TFCP2: variants seen among roughly 807,000 people sequenced by gnomAD.
TFCP2 encodes alpha-globin transcription factor CP2.
In TFCP2, 33 loss-of-function variants were observed where a neutral mutation model predicts 73.4. The ratio of observed to expected loss-of-function variants is 0.45; its 90% CI spans 0.34 to 0.60. The LOEUF is 0.60. Among genes scored for constraint, TFCP2 ranks in the 20% least tolerant of loss-of-function variants. TFCP2 has a pLI of 0.01. For missense variants in TFCP2, 352 were observed against 604.0 expected (o/e 0.58, Z 4.37); for synonymous variants, 193 against 211.6 (o/e 0.91, Z 0.76).
At chr12:51,112,534 G>A (rs780599735) in intron 4 of TFCP2, among the ~76,000 whole-genome samples, 8 of 152,150 alleles carry the variant, frequency 5.3e-5, no homozygotes, top group African/African-American at 1.2e-4. Context: ...AAGGTAGAAA[G>A]CATTATATCA....
At chr12:51,103,869 T>C (rs995964230) in intron 9 of TFCP2, 106 bp from the exon 10 acceptor site, 1 of 904,934 alleles carries the variant, frequency 1.1e-6, no homozygotes, top group Non-Finnish European at 1.7e-6. Flanking sequence ...CAGGCCTAGT[T>C]TGTGAAAGTT....
chr12:51,162,074 A>G (rs937728942), intron 1 of TFCP2, among the ~76,000 whole-genome samples: 11 of 152,152 alleles, frequency 7.2e-5, no homozygotes, highest in Non-Finnish European at 1.6e-4. Context: ...TTGAACAGGC[A>G]GAAGAAAGAA....
chr12:51,128,931 G>C (rs1592811942), intron 1 of TFCP2, among the ~76,000 whole-genome samples: 1 of 152,142 alleles, frequency 6.6e-6, no homozygotes, highest in Non-Finnish European at 1.5e-5. Context: ...GGCTGGAACA[G>C]GAGGCTAAAT....
At position 51,098,685 on chromosome 12, in the gene TFCP2, A is replaced by G. The variant is rs902947164; in HGVS notation, c.1419+91T>C. 4.1e-5 allele frequency: 59 copies of G among 1,451,284 alleles called. No individual in the cohort carries two copies. The Admixed American group carries it at 4.7e-4, about 12-fold the overall frequency. 89.9% of individuals were successfully genotyped at this position (1,451,284 alleles called of 1,614,324 possible). A position where few individuals can be genotyped will look rare whatever the true frequency, so the allele number is the denominator to read the frequency against. ...AGTATGAAACCCTCTGATCTAGAAA[A>G]CAGAACACTCTGCCCCAGGAGAACT... On this transcript the variant is annotated intron_variant, in intron 13 of 14. Coordinates refer to ENST00000257915, the MANE Select transcript of TFCP2 (RefSeq NM_005653.5).
intron 1 of TFCP2, among the ~76,000 whole-genome samples, chr12:51,159,559 G>C (rs1307567981): frequency 6.6e-6 from 1 of 151,884 alleles, no homozygotes; most frequent in African/African-American, 2.4e-5. Context: ...GGCTGGTCTC[G>C]AACCCACCTC....
At chr12:51,118,345 G>A (rs543827018) in intron 2 of TFCP2, among the ~76,000 whole-genome samples, 4 of 152,242 alleles carry the variant, frequency 2.6e-5, no homozygotes, top group African/African-American at 9.6e-5. Flanking sequence ...ATGAGGTCAG[G>A]AGATCGAGAC....
chr12:51,114,353 C>G (rs1940468181), intron 4 of TFCP2, among the ~76,000 whole-genome samples: 1 of 152,202 alleles, frequency 6.6e-6, no homozygotes, highest in African/African-American at 2.4e-5. Flanking sequence ...CACCTGTAAT[C>G]CCAGCGCTTT....
In TFCP2 at chr12:51,093,984, C is replaced by G. The variant is rs1320821959; in HGVS notation, c.*1257G>C. 1 of 134,248 alleles carries G rather than the reference C, an allele frequency of 7.4e-6. No individual in the cohort carries two copies. Among genetic ancestry groups the G allele is most frequent in the African/African-American group, 3.3e-5 (1 of 30,358 alleles). The allele number at this position is 134,248 out of a possible 1,614,324, so 8.3% of individuals were successfully genotyped here. ...AAACCCATGATGTTACACTTACACA[C>G]TTACACACACACACACACACACACA... is the stretch of plus-strand genomic sequence containing the variant. On this transcript the variant is annotated 3_prime_UTR_variant, in exon 15 of 15. Transcript: ENST00000257915.
At chr12:51,138,789 C>T (rs1941121856) in intron 1 of TFCP2, among the ~76,000 whole-genome samples, 6 of 152,082 alleles carry the variant, frequency 3.9e-5, no homozygotes. Flanking sequence ...CAGGTGTGCG[C>T]CACCACACCT....
chr12:51,157,499 T>C (rs777205876), intron 1 of TFCP2, among the ~76,000 whole-genome samples: 1 of 151,944 alleles, frequency 6.6e-6, no homozygotes, highest in Non-Finnish European at 1.5e-5. Flanking sequence ...CTCAGTATGT[T>C]GTCCAGGCTG....
rs749852425 is a variant in TFCP2, at chr12:51,102,018, A to G, written c.1068T>C (p.Asp356=). 3 of 1,608,380 alleles carry G rather than the reference A, an allele frequency of 1.9e-6. No individual in the cohort carries two copies. The South Asian group carries it at 3.3e-5, about 18-fold the overall frequency. ...TRLFTNFSGA[D]LLKLTRDDVI... is the part of the protein sequence containing the mutation. ...CATCATCTCTAGTTAATTTCAATAA[A>G]TCTGCCCCTGGAATAAATATAAGAA... Residue 356 remains aspartate (D), a synonymous_variant, in exon 11 of 15, where the codon GAT becomes GAC. Coordinates refer to ENST00000257915, the MANE Select transcript of TFCP2 (RefSeq NM_005653.5).
At chr12:51,170,539 G>A (rs914154709) in intron 1 of TFCP2, among the ~76,000 whole-genome samples, 1 of 151,746 alleles carries the variant, frequency 6.6e-6, no homozygotes, top group Non-Finnish European at 1.5e-5. Context: ...TGGAGAGCGG[G>A]TCTTGAACTC....
At chr12:51,159,747 C>T (rs887482455) in intron 1 of TFCP2, among the ~76,000 whole-genome samples, 5 of 152,146 alleles carry the variant, frequency 3.3e-5, no homozygotes, top group African/African-American at 4.8e-5. Context: ...CTCAGCCTCC[C>T]AAAGTCCTGG....
At chr12:51,143,968 C>G (rs1051282799) in intron 1 of TFCP2, among the ~76,000 whole-genome samples, 2 of 152,124 alleles carry the variant, frequency 1.3e-5, no homozygotes, top group African/African-American at 4.8e-5. Flanking sequence ...CAATTTATCC[C>G]AAATTCATCT....
At position 51,157,681 on chromosome 12, in the gene TFCP2, C is replaced by CTTTTTTTT. The variant is rs770963610; in HGVS notation, c.122+14619_122+14620insAAAAAAAA. On this transcript the variant is annotated intron_variant, in intron 1 of 14. Transcript: ENST00000257915. Reference sequence around the variant, plus strand: ...TTCAGTAATTTGAGTTTTTTCTTTTCTTTTCTTTTTTTTTTTTTTTTTTGA... The same window carrying CTTTTTTTT: ...TTCAGTAATTTGAGTTTTTTCTTTTCTTTTTTTTTTTTCTTTTTTTTTTTTTTTTTTGA... Among the ~76,000 whole-genome samples, 334 of 77,280 alleles carry CTTTTTTTT rather than the reference C, an allele frequency of 4.3e-3. 26 individuals carry two copies. The highest frequency in any genetic ancestry group is 5.8e-3 in the Non-Finnish European group (238 of 40,718). 50.7% of individuals were successfully genotyped at this position (77,280 alleles called of 152,430 possible).
intron 1 of TFCP2, among the ~76,000 whole-genome samples, chr12:51,133,219 T>C (rs979710210): frequency 5.9e-5 from 9 of 151,952 alleles, no homozygotes; most frequent in Admixed American, 3.3e-4. Context: ...CAGATTACAA[T>C]ATAACTCATC....
chr12:51,164,212 C>T (rs1412081761), intron 1 of TFCP2, among the ~76,000 whole-genome samples: 2 of 151,550 alleles, frequency 1.3e-5, no homozygotes, highest in East Asian at 1.9e-4. Context: ...TTCTCAAAAA[C>T]AAACAAACAA....
intron 11 of TFCP2, among the ~76,000 whole-genome samples, chr12:51,101,275 A>G (rs1378648520): frequency 1.3e-5 from 2 of 152,230 alleles, no homozygotes; most frequent in Admixed American, 1.3e-4. Context: ...ACTGTACTCC[A>G]GTCTGGGCGA....
chr12:51,116,493 G>C, intron 3 of TFCP2, 73 bp from the exon 4 acceptor site: 1 of 736,558 alleles, frequency 1.4e-6, no homozygotes, highest in South Asian at 2.6e-5. Context: ...AAAACTAGCA[G>C]GATTCACTGC....
Sources: allele counts gnomAD v4.1 joint callset (sites outside exome capture counted in the v4.1 genomes callset), GRCh38; gene constraint gnomAD v4.1.1; transcripts MANE v1.5; gene names NCBI Gene and HGNC (gene_info 2026-07-23, HGNC 2026-07-21).